TRPC5: variants seen among roughly 807,000 people sequenced by gnomAD.
TRPC5 encodes short transient receptor potential channel 5.
TRPC5 carries 9 observed loss-of-function variants against 56.5 expected under a neutral mutation model. That is an observed-to-expected ratio of 0.16 (90% confidence interval 0.10 to 0.28). The LOEUF (loss-of-function observed/expected upper bound fraction) is 0.28. Ranked by LOEUF, TRPC5 falls within the 10% of genes least tolerant of loss-of-function variation. The pLI is 1.00. For synonymous variants in TRPC5, 282 were observed against 278.5 expected (o/e 1.01, Z -0.13); for missense variants, 469 against 748.9 (o/e 0.63, Z 4.36).
At chrX:111,923,338 C>T (rs1926172470) in intron 2 of TRPC5, among the ~76,000 whole-genome samples, 1 of 111,713 alleles carries the variant, frequency 9.0e-6, no homozygotes, top group African/African-American at 3.3e-5. Context: ...TGGCAGCCCA[C>T]AAAACTATTC....
chrX:112,064,393 C>T (rs1930531200), intron 1 of TRPC5, among the ~76,000 whole-genome samples: 1 of 111,702 alleles, frequency 9.0e-6, no homozygotes, highest in Admixed American at 9.5e-5. Context: ...ATTTGCCAAC[C>T]TTTGCTTTGG....
chrX:111,959,190 G>T (rs1330291117), intron 1 of TRPC5, among the ~76,000 whole-genome samples: 1 of 112,090 alleles, frequency 8.9e-6, no homozygotes, highest in Non-Finnish European at 1.9e-5. Context: ...TTTTCTACAT[G>T]ATTTAAAAGA....
intron 2 of TRPC5, among the ~76,000 whole-genome samples, chrX:111,934,893 C>T (rs1201966576): frequency 8.9e-6 from 1 of 112,403 alleles, no homozygotes; most frequent in Non-Finnish European, 1.9e-5. Flanking sequence ...TAGTTAGCAT[C>T]CAAATCCTGT....
At chrX:111,877,088 A>C (rs1163601102) in intron 3 of TRPC5, among the ~76,000 whole-genome samples, 1 of 111,656 alleles carries the variant, frequency 9.0e-6, no homozygotes, top group Non-Finnish European at 1.9e-5. Flanking sequence ...GAATTGGCAA[A>C]AGGGATGGGA....
At chrX:111,945,921 G>A (rs1013353987) in intron 2 of TRPC5, among the ~76,000 whole-genome samples, 1 of 112,385 alleles carries the variant, frequency 8.9e-6, no homozygotes, top group Non-Finnish European at 1.9e-5. Flanking sequence ...TGGCTTGCCC[G>A]TCTAAACCAA....
At chrX:112,046,468 C>T (rs1267660313) in intron 1 of TRPC5, among the ~76,000 whole-genome samples, 2 of 110,861 alleles carry the variant, frequency 1.8e-5, no homozygotes, top group South Asian at 3.9e-4. Flanking sequence ...TTCCTAACTC[C>T]CTGTAGGCTG....
chrX:112,061,978 G>A (rs772959629), intron 1 of TRPC5, among the ~76,000 whole-genome samples: 50 of 111,841 alleles, frequency 4.5e-4, no homozygotes, highest in African/African-American at 1.6e-3. Flanking sequence ...TCTTTTATGA[G>A]CTATAGTCAT....
intron 7 of TRPC5, among the ~76,000 whole-genome samples, chrX:111,827,514 A>G (rs968687342): frequency 9.0e-6 from 1 of 111,078 alleles, no homozygotes; most frequent in Admixed American, 9.6e-5. Context: ...TCCCCATCTC[A>G]GTAATGGACA....
intron 5 of TRPC5, 59 bp from the exon 6 acceptor site, chrX:111,847,495 C>A: frequency 9.4e-7 from 1 of 1,064,620 alleles, no homozygotes; most frequent in Non-Finnish European, 1.3e-6. Context: ...TAAAACTTTC[C>A]CTTTTTTCCT....
chrX:112,073,079 G>A (rs1423248999), intron 1 of TRPC5, among the ~76,000 whole-genome samples: 2 of 111,287 alleles, frequency 1.8e-5, no homozygotes, highest in African/African-American at 6.5e-5. Flanking sequence ...TACTGAGCAG[G>A]GCGTGTTCTT....
At chrX:112,017,680 CCA>C (rs1240490152) in intron 1 of TRPC5, among the ~76,000 whole-genome samples, 1 of 111,432 alleles carries the variant, frequency 9.0e-6, no homozygotes, top group African/African-American at 3.3e-5. Flanking sequence ...CCTTCCCCAT[CCA>C]CACACCAGCA....
chrX:111,940,017 T>C (rs1453606380), intron 2 of TRPC5, among the ~76,000 whole-genome samples: 1 of 112,005 alleles, frequency 8.9e-6, no homozygotes, highest in Non-Finnish European at 1.9e-5. Flanking sequence ...TGTAAGCACT[T>C]ATAGCTATAA....
intron 7 of TRPC5, among the ~76,000 whole-genome samples, chrX:111,829,896 C>T (rs1922358621): frequency 1.8e-5 from 2 of 113,055 alleles, no homozygotes; most frequent in Admixed American, 1.9e-4. Flanking sequence ...GGGGCACTGC[C>T]TAGTAGAGCC....
At chrX:111,789,396 C>T (rs984753061) in intron 7 of TRPC5, among the ~76,000 whole-genome samples, 2 of 112,022 alleles carry the variant, frequency 1.8e-5, no homozygotes, top group African/African-American at 6.5e-5. Context: ...CTTACTTACA[C>T]CTTATACAAA....
At chrX:111,945,516 C>A (rs1926912206) in intron 2 of TRPC5, among the ~76,000 whole-genome samples, 1 of 110,471 alleles carries the variant, frequency 9.1e-6, no homozygotes, top group African/African-American at 3.3e-5. Context: ...TACATAGACA[C>A]ACACACCCCT....
At chrX:111,972,135 C>A (rs903759337) in intron 1 of TRPC5, among the ~76,000 whole-genome samples, 1 of 111,735 alleles carries the variant, frequency 8.9e-6, no homozygotes, top group Non-Finnish European at 1.9e-5. Flanking sequence ...GTTACAATTA[C>A]CCTGTCTTGC....
In TRPC5 at chrX:111,860,464, G is replaced by A. The variant is rs545183050; in HGVS notation, c.901-6358C>T. On this transcript the variant is annotated intron_variant, in intron 3 of 10. Coordinates refer to ENST00000262839, the MANE Select transcript of TRPC5 (RefSeq NM_012471.3). Reference sequence around the variant, plus strand: ...GTTTATAAACATTTTAGCTTTTTATGAGTTCTGTACGTTTTGTTGTTGTTA... The same window carrying A: ...GTTTATAAACATTTTAGCTTTTTATAAGTTCTGTACGTTTTGTTGTTGTTA... Among the ~76,000 whole-genome samples, 55 of 112,002 alleles carry A rather than the reference G, an allele frequency of 4.9e-4. 1 individual carries two copies. In the South Asian group the frequency reaches 0.02, roughly 41 times the overall value.
chrX:111,901,640 G>T (rs749283330), intron 3 of TRPC5: 32 of 326,668 alleles, frequency 9.8e-5, no homozygotes, highest in Non-Finnish European at 1.6e-4. Flanking sequence ...CATAAATTCT[G>T]TGCGCGGTTT....
chrX:112,062,182 G>A (rs1229258000), intron 1 of TRPC5, among the ~76,000 whole-genome samples: 1 of 111,598 alleles, frequency 9.0e-6, no homozygotes, highest in Non-Finnish European at 1.9e-5. Flanking sequence ...AGGTCAACAG[G>A]ATTTCTGACT....
Sources: allele counts gnomAD v4.1 joint callset (sites outside exome capture counted in the v4.1 genomes callset), GRCh38; gene constraint gnomAD v4.1.1; transcripts MANE v1.5; gene names NCBI Gene and HGNC (gene_info 2026-07-23, HGNC 2026-07-21).